Variants in C10orf90 observed in about 807,000 individuals in gnomAD.
The protein encoded by C10orf90 is (E2-independent) E3 ubiquitin-conjugating enzyme FATS.
Under a neutral mutation model 62.5 loss-of-function variants are expected in C10orf90, and 56 were observed. The ratio of observed to expected loss-of-function variants is 0.90; its 90% confidence interval spans 0.72 to 1.12. The LOEUF (loss-of-function observed/expected upper bound fraction) is 1.12, where lower values mean the gene tolerates loss of function less well. Among genes scored for constraint, C10orf90 ranks in the 50% most tolerant of loss-of-function variants. C10orf90 has a pLI of 0.00. For missense variants in C10orf90, 970 were observed against 880.4 expected, an observed-to-expected ratio of 1.10 and a Z score of -1.29; for synonymous variants, 386 against 340.4, an observed-to-expected ratio of 1.13 and a Z score of -1.47.
chr10:126,533,624 C>T (rs1049819237), intron 2 of C10orf90, among the ~76,000 whole-genome samples: 1 of 152,186 alleles, frequency 6.6e-6, no homozygotes, highest in Non-Finnish European at 1.5e-5. Context: ...CATTTGAGTC[C>T]TCATTGCCTA....
At position 126,532,714 on chromosome 10, in the gene C10orf90, G is replaced by A. The variant is rs184407327; in HGVS notation, c.314-18775C>T. On this transcript the variant is annotated intron_variant, in intron 2 of 9. Coordinates refer to ENST00000488181, the MANE Select transcript of C10orf90 (RefSeq NM_001350921.2). ...TAGCCGGGCATGGTGGCGGGTGCCT[G>A]TAGTCCCAGCTACTCCGGAGGGTGA... 3.5e-3 allele frequency among the ~76,000 whole-genome samples: 531 copies of A among 150,226 alleles called. 6 individuals carry two copies. The highest frequency in any genetic ancestry group is 0.011 in the African/African-American group (467 of 40,886).
At chr10:126,655,108 C>T (rs1474653182) in intron 1 of C10orf90, among the ~76,000 whole-genome samples, 7 of 152,094 alleles carry the variant, frequency 4.6e-5, no homozygotes, top group African/African-American at 1.7e-4. Flanking sequence ...ATCATGAGGT[C>T]AGGAGATCGA....
intron 7 of C10orf90, among the ~76,000 whole-genome samples, chr10:126,447,236 A>C (rs1490522857): frequency 6.6e-6 from 1 of 151,952 alleles, no homozygotes; most frequent in Non-Finnish European, 1.5e-5. Flanking sequence ...TATACTGAGT[A>C]GCTCAATGGG....
chr10:126,510,699 T>C (rs761605161), intron 3 of C10orf90, among the ~76,000 whole-genome samples: 2 of 152,254 alleles, frequency 1.3e-5, no homozygotes, highest in Non-Finnish European at 1.5e-5. Context: ...AAGATATTGA[T>C]TTCTCTTAAA....
In C10orf90 at chr10:126,426,141, C is replaced by G. The variant is rs150180990; in HGVS notation, c.2253-51G>C. The G allele has an allele frequency of 1.2e-5, 17 of 1,427,106 alleles. No homozygotes were observed. In the East Asian group the frequency reaches 3.9e-4, roughly 33 times the overall value. The allele number at this position is 1,427,106 out of a possible 1,614,324, so 88.4% of individuals were successfully genotyped here. A position where few individuals can be genotyped will look rare whatever the true frequency, so the allele number is the denominator to read the frequency against. On this transcript the variant is annotated intron_variant, in intron 8 of 9. Coordinates refer to ENST00000488181, the MANE Select transcript of C10orf90 (RefSeq NM_001350921.2). ...GAATGGTAGCTTGACAGCGTGCTCC[C>G]GCTGTGGGGCTGCATCCTGTCTTGA...
At chr10:126,540,623 C>A (rs1414205471) in intron 2 of C10orf90, among the ~76,000 whole-genome samples, 2 of 148,898 alleles carry the variant, frequency 1.3e-5, no homozygotes, top group Non-Finnish European at 3.0e-5. Context: ...CATGTCACTA[C>A]ACTCCAACCT....
At chr10:126,589,021 A>T (rs1844929554) in intron 2 of C10orf90, among the ~76,000 whole-genome samples, 1 of 152,238 alleles carries the variant, frequency 6.6e-6, no homozygotes, top group East Asian at 1.9e-4. Flanking sequence ...AACTGACCTG[A>T]TGGAGCTGAA....
chr10:126,600,481 A>G (rs1258944823), intron 2 of C10orf90, among the ~76,000 whole-genome samples: 1 of 152,204 alleles, frequency 6.6e-6, no homozygotes, highest in Non-Finnish European at 1.5e-5. Flanking sequence ...GGGCGCACAC[A>G]TGACAACCAA....
At chr10:126,610,159 T>C (rs1159273156) in intron 2 of C10orf90, among the ~76,000 whole-genome samples, 3 of 152,286 alleles carry the variant, frequency 2.0e-5, no homozygotes, top group Non-Finnish European at 4.4e-5. Context: ...ATGGACCATG[T>C]CCACAGGGCT....
intron 4 of C10orf90, among the ~76,000 whole-genome samples, chr10:126,473,337 G>A (rs1457378834): frequency 6.6e-6 from 1 of 152,086 alleles, no homozygotes; most frequent in East Asian, 1.9e-4. Context: ...ATCCATTTTT[G>A]GTTTTTTGTT....
intron 4 of C10orf90, among the ~76,000 whole-genome samples, chr10:126,491,337 A>T (rs1275361256): frequency 6.6e-6 from 1 of 152,220 alleles, no homozygotes; most frequent in Non-Finnish European, 1.5e-5. Flanking sequence ...ATGCAAAAAG[A>T]TTAAACCTTT....
chr10:126,494,346 A>G lies in C10orf90; in HGVS notation c.1534+9611T>C, dbSNP rs113755074. On this transcript the variant is annotated intron_variant, in intron 4 of 9. Transcript: ENST00000488181. ...CAGGAGTGAGGTTTGCACACCAAATATCACTGTGAGAGCTCACATATTTGC... is the reference window on the plus strand; with the variant it reads ...CAGGAGTGAGGTTTGCACACCAAATGTCACTGTGAGAGCTCACATATTTGC... 8.8e-3 allele frequency among the ~76,000 whole-genome samples: 1,344 copies of G among 152,196 alleles called. 22 individuals carry two copies. The highest frequency in any genetic ancestry group is 0.03 in the African/African-American group (1,264 of 41,534).
At chr10:126,644,781 G>A (rs1002850718) in intron 2 of C10orf90, among the ~76,000 whole-genome samples, 5 of 152,120 alleles carry the variant, frequency 3.3e-5, no homozygotes, top group African/African-American at 1.2e-4. Context: ...TTGTTCTCAC[G>A]GCCACCTCTG....
chr10:126,606,607 C>T (rs1182520736), intron 2 of C10orf90, among the ~76,000 whole-genome samples: 3 of 152,100 alleles, frequency 2.0e-5, no homozygotes, highest in Admixed American at 6.5e-5. Flanking sequence ...GTCCCACCTC[C>T]GAGGAACTTT....
At chr10:126,594,367 T>C (rs1845042239) in intron 2 of C10orf90, among the ~76,000 whole-genome samples, 1 of 152,136 alleles carries the variant, frequency 6.6e-6, no homozygotes, top group Admixed American at 6.5e-5. Context: ...CATGAAAATG[T>C]TAGCAATAAT....
intron 4 of C10orf90, among the ~76,000 whole-genome samples, chr10:126,489,419 T>G (rs1861601914): frequency 6.6e-6 from 1 of 152,154 alleles, no homozygotes; most frequent in Non-Finnish European, 1.5e-5. Flanking sequence ...CTTGAATAAT[T>G]GTTGCTTCAA....
intron 6 of C10orf90, 115 bp from the exon 7 acceptor site, chr10:126,459,332 C>A: frequency 1.7e-6 from 2 of 1,186,038 alleles, no homozygotes; most frequent in East Asian, 2.4e-5. Flanking sequence ...AGACCAAAAG[C>A]CACGGTGCAA....
intron 2 of C10orf90, among the ~76,000 whole-genome samples, chr10:126,628,564 AG>A: frequency 6.6e-6 from 1 of 152,296 alleles, no homozygotes; most frequent in African/African-American, 2.4e-5. Context: ...AATGGAGCCC[AG>A]GGGGAGGCAT....
At chr10:126,503,854 G>C in intron 4 of C10orf90, 103 bp downstream of exon 4, 1 of 1,387,284 alleles carries the variant, frequency 7.2e-7, no homozygotes, top group Non-Finnish European at 9.7e-7. Flanking sequence ...AGTCTACTGA[G>C]AAATGCCTCT....
Sources: gnomAD v4.1 joint callset for allele counts (sites outside exome capture counted in the v4.1 genomes callset) on GRCh38, gnomAD v4.1.1 for gene constraint, MANE v1.5 for transcripts, NCBI Gene and HGNC (gene_info 2026-07-23, HGNC 2026-07-21) for gene names.